The following GRAMD2B variants were observed in gnomAD, a reference collection of about 807,000 sequenced individuals.
GRAMD2B encodes the protein GRAM domain containing 2B.
GRAMD2B carries 41 observed loss-of-function variants against 59.2 expected under a neutral mutation model. The observed-to-expected ratio is 0.69, with a 90% CI of 0.54 to 0.90. GRAMD2B has a LOEUF of 0.90. Ranked by LOEUF, GRAMD2B falls within the 40% of genes least tolerant of loss-of-function variation. GRAMD2B has a pLI of 0.00. For synonymous variants in GRAMD2B, 161 were observed against 182.7 expected (o/e 0.88, Z 0.96); for missense variants, 424 against 500.5 (o/e 0.85, Z 1.46).
chr5:126,374,352 T>C (rs1030534811), intron 1 of GRAMD2B, among the ~76,000 whole-genome samples: 5 of 152,220 alleles, frequency 3.3e-5, no homozygotes, highest in African/African-American at 1.2e-4. Flanking sequence ...TGGTCTTTTT[T>C]TGTTTTCTCT....
intron 1 of GRAMD2B, among the ~76,000 whole-genome samples, chr5:126,382,184 G>T (rs1293622541): frequency 6.6e-6 from 1 of 151,994 alleles, no homozygotes; most frequent in Non-Finnish European, 1.5e-5. Context: ...TTATCTTTTT[G>T]TGATGAATTT....
chr5:126,373,217 T>C (rs1446898801), intron 1 of GRAMD2B, among the ~76,000 whole-genome samples: 1 of 152,208 alleles, frequency 6.6e-6, no homozygotes, highest in East Asian at 1.9e-4. Context: ...TTTAGTCTAG[T>C]TGAAAGATCT....
intron 2 of GRAMD2B, among the ~76,000 whole-genome samples, chr5:126,468,685 G>A (rs986772911): frequency 4.0e-5 from 6 of 151,770 alleles, no homozygotes; most frequent in African/African-American, 1.5e-4. Context: ...ATGGGATTTC[G>A]CTATGTTGGC....
intron 11 of GRAMD2B, among the ~76,000 whole-genome samples, chr5:126,486,620 C>T (rs946475244): frequency 1.4e-4 from 22 of 152,180 alleles, no homozygotes; most frequent in African/African-American, 5.3e-4. Context: ...TTGGGTCTGG[C>T]TCTGACCAGT....
At position 126,480,511 on chromosome 5, in the gene GRAMD2B, T is replaced by C. The variant is rs1771511138; in HGVS notation, c.638T>C (p.Val213Ala). Residue 213 changes from valine (V) to alanine (A), a missense_variant, in exon 7 of 14, where the codon GTG becomes GCG. Val to Ala is a moderately conservative substitution (Grantham distance 64). Coordinates refer to ENST00000285689, the MANE Select transcript of GRAMD2B (RefSeq NM_023927.4). ...RDSTYKLLKSVCGHLENTSVG... is the reference protein window; with the variant it reads ...RDSTYKLLKSACGHLENTSVG... ...TCAACTTACAAACTACTAAAATCTGTGTGTGGACACTTAGAAGTGAGTATG... is the reference window on the plus strand; with the variant it reads ...TCAACTTACAAACTACTAAAATCTGCGTGTGGACACTTAGAAGTGAGTATG... 1 of 1,613,264 alleles carries C rather than the reference T, an allele frequency of 6.2e-7. No homozygotes were observed. Among genetic ancestry groups the C allele is most frequent in the Non-Finnish European group, 8.5e-7 (1 of 1,179,284 alleles).
At chr5:126,391,282 T>C (rs1045386030) in intron 1 of GRAMD2B, among the ~76,000 whole-genome samples, 3 of 125,540 alleles carry the variant, frequency 2.4e-5, no homozygotes, top group South Asian at 5.2e-4. Context: ...ATTGTGCCAC[T>C]GCACTCCAGC....
chr5:126,420,083 A>G (rs1396181017), upstream of GRAMD2B, among the ~76,000 whole-genome samples: 1 of 151,276 alleles, frequency 6.6e-6, no homozygotes, highest in Non-Finnish European at 1.5e-5. Flanking sequence ...AGAAAGAAAG[A>G]AAAGAAAAGA....
chr5:126,392,720 G>A (rs765158993), intron 1 of GRAMD2B, among the ~76,000 whole-genome samples: 1 of 151,976 alleles, frequency 6.6e-6, no homozygotes, highest in Non-Finnish European at 1.5e-5. Context: ...GGTGAGGTGG[G>A]GGCAGGGGGT....
chr5:126,391,689 T>C (rs1369231760), intron 1 of GRAMD2B, among the ~76,000 whole-genome samples: 1 of 152,244 alleles, frequency 6.6e-6, no homozygotes, highest in Non-Finnish European at 1.5e-5. Flanking sequence ...ATTTCATTTA[T>C]ATGAAAAATA....
chr5:126,449,055 A>G (rs1764858824), intron 1 of GRAMD2B, among the ~76,000 whole-genome samples: 1 of 152,224 alleles, frequency 6.6e-6, no homozygotes, highest in South Asian at 2.1e-4. Context: ...AGAGGCAGAG[A>G]TGTGTTTTCC....
intron 5 of GRAMD2B, among the ~76,000 whole-genome samples, chr5:126,474,495 T>C (rs1193786648): frequency 6.6e-6 from 1 of 152,202 alleles, no homozygotes; most frequent in Admixed American, 6.5e-5. Flanking sequence ...ATCAGTATAA[T>C]ACAAAGCAAT....
intron 1 of GRAMD2B, among the ~76,000 whole-genome samples, chr5:126,414,438 T>A (rs10038888): frequency 6.6e-6 from 1 of 152,000 alleles, no homozygotes; most frequent in South Asian, 2.1e-4. Flanking sequence ...TAACACACAG[T>A]GAAATGTTCT....
chr5:126,418,573 T>A (rs1167115535), upstream of GRAMD2B, among the ~76,000 whole-genome samples: 1 of 152,218 alleles, frequency 6.6e-6, no homozygotes, highest in African/African-American at 2.4e-5. Flanking sequence ...TTTGGAAATA[T>A]TGGCTTAAAA....
upstream of GRAMD2B, among the ~76,000 whole-genome samples, chr5:126,422,233 T>C (rs1261650275): frequency 2.0e-5 from 3 of 151,036 alleles, no homozygotes; most frequent in African/African-American, 7.3e-5. Flanking sequence ...GGTCTCACTC[T>C]GTTGCCCAGA....
chr5:126,364,133 T>G (rs942473914), intron 1 of GRAMD2B, among the ~76,000 whole-genome samples: 1 of 152,230 alleles, frequency 6.6e-6, no homozygotes, highest in Admixed American at 6.5e-5. Context: ...TTACAAATAC[T>G]AGCTATTGTA....
chr5:126,426,544 C>G (rs779548476), intron 1 of GRAMD2B, among the ~76,000 whole-genome samples: 10 of 152,204 alleles, frequency 6.6e-5, no homozygotes, highest in Non-Finnish European at 1.5e-4. Flanking sequence ...ACCCACTAAT[C>G]CAGTTGTATT....
intron 1 of GRAMD2B, among the ~76,000 whole-genome samples, chr5:126,408,123 C>G (rs1180508300): frequency 6.6e-6 from 1 of 151,834 alleles, no homozygotes; most frequent in Non-Finnish European, 1.5e-5. Context: ...TCTATTAGTC[C>G]CCAGTGTCCA....
At chr5:126,490,694 G>A (rs1773770208) in intron 13 of GRAMD2B, among the ~76,000 whole-genome samples, 1 of 152,292 alleles carries the variant, frequency 6.6e-6, no homozygotes, top group South Asian at 2.1e-4. Context: ...GGGCACTAGC[G>A]CAGCACAGCC....
intron 1 of GRAMD2B, among the ~76,000 whole-genome samples, chr5:126,395,776 G>C (rs1239110133): frequency 6.6e-6 from 1 of 152,092 alleles, no homozygotes; most frequent in Non-Finnish European, 1.5e-5. Context: ...GTGTGTGTGT[G>C]CGCGCATGCA....
Sources: allele counts gnomAD v4.1 joint callset (sites outside exome capture counted in the v4.1 genomes callset), GRCh38; gene constraint gnomAD v4.1.1; transcripts MANE v1.5; gene names NCBI Gene and HGNC (gene_info 2026-07-23, HGNC 2026-07-21).